The following XPR1 variants were observed in gnomAD, a reference collection of about 807,000 sequenced individuals.
XPR1 encodes xenotropic and polytropic retrovirus receptor 1, also known as solute carrier family 53 member 1.
XPR1 carries 28 observed loss-of-function variants against 87.5 expected under a neutral mutation model. The ratio of observed to expected loss-of-function variants is 0.32; its 90% confidence interval spans 0.24 to 0.44. The LOEUF is 0.44. Among genes scored for constraint, XPR1 ranks in the 20% least tolerant of loss-of-function variants. XPR1 has a pLI of 1.00. For missense variants in XPR1, 559 were observed against 862.3 expected (o/e 0.65, Z 4.41); for synonymous variants, 300 against 306.1 (o/e 0.98, Z 0.21).
intron 2 of XPR1, among the ~76,000 whole-genome samples, chr1:180,772,157 A>G (rs1383603108): frequency 6.6e-6 from 1 of 152,168 alleles, no homozygotes; most frequent in East Asian, 1.9e-4. Flanking sequence ...TCTATGGATT[A>G]TAATCTAGTA....
At chr1:180,743,500 T>C (rs1658987918) in intron 2 of XPR1, among the ~76,000 whole-genome samples, 1 of 152,144 alleles carries the variant, frequency 6.6e-6, no homozygotes, top group Non-Finnish European at 1.5e-5. Flanking sequence ...TTATACTTTT[T>C]GCTTTCAGTT....
intron 2 of XPR1, among the ~76,000 whole-genome samples, chr1:180,702,270 G>C (rs1220231551): frequency 1.7e-5 from 2 of 120,418 alleles, no homozygotes; most frequent in Non-Finnish European, 3.4e-5. Flanking sequence ...TTAATCCTGA[G>C]TTCTAGTTTG....
intron 2 of XPR1, among the ~76,000 whole-genome samples, chr1:180,728,297 T>G (rs368168751): frequency 3.2e-4 from 30 of 94,390 alleles, no homozygotes; most frequent in South Asian, 7.9e-4. Context: ...TGTTTATAAC[T>G]GGGGGGGGGG....
At chr1:180,704,386 G>A (rs1161204365) in intron 2 of XPR1, among the ~76,000 whole-genome samples, 2 of 150,120 alleles carry the variant, frequency 1.3e-5, no homozygotes, top group East Asian at 1.9e-4. Flanking sequence ...GTGTTTATTA[G>A]CCAGAATTCT....
At chr1:180,661,705 A>T (rs1188792143) in intron 1 of XPR1, among the ~76,000 whole-genome samples, 2 of 152,106 alleles carry the variant, frequency 1.3e-5, no homozygotes, top group Non-Finnish European at 2.9e-5. Flanking sequence ...CCCAGTCTGT[A>T]CTAAAAAAAA....
chr1:180,840,210 A>G (rs1651455651), intron 11 of XPR1, among the ~76,000 whole-genome samples: 1 of 131,656 alleles, frequency 7.6e-6, no homozygotes, highest in Non-Finnish European at 1.6e-5. Context: ...GGCCTGGGCG[A>G]CAGAGCGAGA....
At chr1:180,791,280 G>C (rs1649368466) in intron 3 of XPR1, among the ~76,000 whole-genome samples, 1 of 151,796 alleles carries the variant, frequency 6.6e-6, no homozygotes, top group Non-Finnish European at 1.5e-5. Flanking sequence ...TTTTTTGTTT[G>C]TTTGTTTTTG....
chr1:180,677,332 A>G (rs1480910674), intron 1 of XPR1, among the ~76,000 whole-genome samples: 1 of 152,232 alleles, frequency 6.6e-6, no homozygotes, highest in Non-Finnish European at 1.5e-5. Context: ...TATTACTCAA[A>G]TCAGTCTCCC....
At chr1:180,720,125 G>A (rs952981991) in intron 2 of XPR1, among the ~76,000 whole-genome samples, 2 of 152,024 alleles carry the variant, frequency 1.3e-5, no homozygotes. Context: ...CCGGGGGCGT[G>A]GGGGTGGTGT....
intron 1 of XPR1, among the ~76,000 whole-genome samples, chr1:180,652,611 C>G (rs1655334030): frequency 6.6e-6 from 1 of 152,124 alleles, no homozygotes; most frequent in African/African-American, 2.4e-5. Context: ...AAATAAATCA[C>G]TTATTTGAAA....
chr1:180,801,022 GATAACCATGATCA>G (rs1649762144), intron 3 of XPR1, among the ~76,000 whole-genome samples: 1 of 152,156 alleles, frequency 6.6e-6, no homozygotes, highest in Non-Finnish European at 1.5e-5. Context: ...CTTTCCTAGG[GATAACCATGATCA>G]ATTAACCACA....
intron 7 of XPR1, among the ~76,000 whole-genome samples, chr1:180,812,335 C>T (rs760984322): frequency 7.9e-5 from 12 of 152,086 alleles, no homozygotes; most frequent in Admixed American, 1.3e-4. Flanking sequence ...CTATAAATAC[C>T]GTCTATATGC....
chr1:180,666,639 G>C (rs1396684130), intron 1 of XPR1, among the ~76,000 whole-genome samples: 2 of 152,174 alleles, frequency 1.3e-5, no homozygotes, highest in African/African-American at 4.8e-5. Flanking sequence ...AAATGCAACT[G>C]ATTTTTGCAT....
chr1:180,835,041 A>G lies in XPR1; in HGVS notation c.1302A>G (p.Ser434=). The change falls in exon 10 of 15, where the codon TCA becomes TCG. Residue 434 remains serine, a synonymous_variant. Coordinates refer to ENST00000367590, the MANE Select transcript of XPR1 (RefSeq NM_004736.4). The part of the protein sequence containing the change: ...DESKGLLPNN[S]EESGICHKYT... ...GTAAGGGCCTGTTGCCAAATAATTC[A>G]GAAGGTAGGGTATGAATTTGCATCT... The G allele has an allele frequency of 6.2e-7, 1 of 1,613,812 alleles. No homozygotes were observed. The highest frequency in any genetic ancestry group is 8.5e-7 in the Non-Finnish European group (1 of 1,179,842).
At chr1:180,687,813 C>T (rs1000976605) in intron 2 of XPR1, among the ~76,000 whole-genome samples, 1 of 151,592 alleles carries the variant, frequency 6.6e-6, no homozygotes, top group Non-Finnish European at 1.5e-5. Context: ...TAAGGATTTA[C>T]TCTCAGGTAT....
intron 1 of XPR1, among the ~76,000 whole-genome samples, chr1:180,673,650 C>G (rs1656263912): frequency 6.6e-6 from 1 of 152,158 alleles, no homozygotes; most frequent in Non-Finnish European, 1.5e-5. Context: ...GAGTACGACC[C>G]CTATTGTGAA....
At chr1:180,862,283 C>G (rs1215124120) in intron 11 of XPR1, among the ~76,000 whole-genome samples, 1 of 152,074 alleles carries the variant, frequency 6.6e-6, no homozygotes, top group Non-Finnish European at 1.5e-5. Flanking sequence ...CAGTCAGACC[C>G]AGATGAGTCT....
At chr1:180,647,902 CAAAAAA>C (rs1009441967) in intron 1 of XPR1, among the ~76,000 whole-genome samples, 11 of 55,932 alleles carry the variant, frequency 2.0e-4, no homozygotes, top group African/African-American at 4.3e-4. Flanking sequence ...CTCTTATCTG[CAAAAAA>C]AAAAAAAAAA....
At chr1:180,818,905 G>A (rs1650511621) in intron 7 of XPR1, among the ~76,000 whole-genome samples, 1 of 152,142 alleles carries the variant, frequency 6.6e-6, no homozygotes, top group Admixed American at 6.6e-5. Context: ...GATCTTTGAT[G>A]AATAACTTGA....
Sources: allele counts gnomAD v4.1 joint callset (sites outside exome capture counted in the v4.1 genomes callset), GRCh38; gene constraint gnomAD v4.1.1; transcripts MANE v1.5; gene names NCBI Gene and HGNC (gene_info 2026-07-23, HGNC 2026-07-21).